The following PMEPA1 variants were observed in gnomAD, a reference collection of about 807,000 sequenced individuals.
PMEPA1 encodes the protein protein TMEPAI.
A neutral mutation model predicts 23.0 loss-of-function variants in PMEPA1; 11 were observed. The observed-to-expected ratio is 0.48, with a 90% confidence interval of 0.30 to 0.79. PMEPA1 has a LOEUF of 0.79. Ranked by LOEUF, PMEPA1 falls within the 30% of genes least tolerant of loss-of-function variation. The probability of loss-of-function intolerance (pLI) is 0.06; values close to 1 mark genes in which losing one functional copy is unlikely to be tolerated. For missense variants in PMEPA1, 377 were observed against 390.9 expected, an observed-to-expected ratio of 0.96 and a Z score of 0.30; for synonymous variants, 204 against 166.4, an observed-to-expected ratio of 1.23 and a Z score of -1.74.
intron 1 of PMEPA1, among the ~76,000 whole-genome samples, chr20:57,703,877 C>A (rs1447349359): frequency 2.0e-5 from 3 of 152,212 alleles, no homozygotes; most frequent in Admixed American, 6.5e-5. Flanking sequence ...CTAGGCCACA[C>A]ACAGCCAGAA....
At position 57,709,883 on chromosome 20, in the gene PMEPA1, G is replaced by A. The variant is rs2072147285; in HGVS notation, c.-301C>T. 2 of 1,003,360 alleles carry A rather than the reference G, an allele frequency of 2.0e-6. No individual in the cohort carries two copies. Among genetic ancestry groups the A allele is most frequent in the Non-Finnish European group, 2.4e-6 (2 of 844,876 alleles). 62.2% of individuals were successfully genotyped at this position (1,003,360 alleles called of 1,614,324 possible). On this transcript the variant is annotated 5_prime_UTR_variant, in exon 1 of 4. Coordinates refer to ENST00000341744, the MANE Select transcript of PMEPA1 (RefSeq NM_020182.5). ...GGGCGCGCGCTGCCGCCGGGGCTGA[G>A]CCTCTGCCGCTAGCTTTCCCCAGCC...
intron 1 of PMEPA1, among the ~76,000 whole-genome samples, chr20:57,679,112 C>T (rs2071677082): frequency 6.6e-6 from 1 of 152,136 alleles, no homozygotes; most frequent in East Asian, 1.9e-4. Context: ...ATAATGAGCA[C>T]CTAGGAGCGG....
At position 57,709,598 on chromosome 20, in the gene PMEPA1, G is replaced by A. The variant is rs759182849; in HGVS notation, c.-16C>T. ...AGCGGTGCATGGACGGCGCGGCGGC[G>A]CGGCGCGGGGCGCGGGGGGCTCGGG... is the stretch of plus-strand genomic sequence containing the variant. On this transcript the variant is annotated 5_prime_UTR_variant, in exon 1 of 4. Transcript: ENST00000341744. 1.2e-4 allele frequency: 122 copies of A among 995,156 alleles called. No homozygotes were observed. Among genetic ancestry groups the A allele is most frequent in the Non-Finnish European group, 1.4e-4 (118 of 828,242 alleles). The allele number at this position is 995,156 out of a possible 1,614,324, so 61.6% of individuals were successfully genotyped here. A position where few individuals can be genotyped will look rare whatever the true frequency, so the allele number is the denominator to read the frequency against.
At chr20:57,693,567 G>A (rs2071909957) in intron 1 of PMEPA1, among the ~76,000 whole-genome samples, 1 of 152,232 alleles carries the variant, frequency 6.6e-6, no homozygotes, top group Non-Finnish European at 1.5e-5. Context: ...GGACACACCT[G>A]AGCCCTTTTC....
Position 57,652,692 on chromosome 20 carries a change from T to C in PMEPA1, c.319-94A>G. The C allele has an allele frequency of 8.9e-7, 1 of 1,120,704 alleles. No homozygotes were observed. Among genetic ancestry groups the C allele is most frequent in the Non-Finnish European group, 1.2e-6 (1 of 812,346 alleles). The allele number at this position is 1,120,704 out of a possible 1,614,324, so 69.4% of individuals were successfully genotyped here. A position where few individuals can be genotyped will look rare whatever the true frequency, so the allele number is the denominator to read the frequency against. On this transcript the variant is annotated intron_variant, in intron 3 of 3. Transcript: ENST00000341744. The surrounding 1 kb of genome is among the most constrained non-coding windows in gnomAD (Gnocchi z 6.1). ...GACTGGAGTTCTGCTGCATGGGACT[T>C]GGCTCTCTGGGGAAAGGGAGAGGGC... is the stretch of plus-strand genomic sequence containing the variant.
At chr20:57,688,853 C>T (rs753696621) in intron 1 of PMEPA1, among the ~76,000 whole-genome samples, 17 of 152,196 alleles carry the variant, frequency 1.1e-4, no homozygotes, top group Admixed American at 3.3e-4. Context: ...GGGGATGTTC[C>T]CGCCTGTCCT....
Position 57,655,468 on chromosome 20 carries a change from G to A in PMEPA1, c.265-2382C>T, listed in dbSNP as rs1432222872. Among the ~76,000 whole-genome samples the A allele has an allele frequency of 1.3e-5, 2 of 152,240 alleles. No homozygotes were observed. The highest frequency in any genetic ancestry group is 2.9e-5 in the Non-Finnish European group (2 of 68,050). Reference sequence around the variant, plus strand: ...CCGGCGTGCTATGCAGTCAGGGAGTGCTCAGGTTGCTACTTAAGTGCGGAA... The same window carrying A: ...CCGGCGTGCTATGCAGTCAGGGAGTACTCAGGTTGCTACTTAAGTGCGGAA... On this transcript the variant is annotated intron_variant, in intron 2 of 3. Coordinates refer to ENST00000341744, the MANE Select transcript of PMEPA1 (RefSeq NM_020182.5). This position sits in a 1 kb window ranked among gnomAD's most constrained non-coding sequence, Gnocchi z 4.2.
chr20:57,678,893 C>T (rs532362050), intron 1 of PMEPA1, among the ~76,000 whole-genome samples: 2 of 152,278 alleles, frequency 1.3e-5, no homozygotes, highest in South Asian at 4.1e-4. Flanking sequence ...AAAAGGATGT[C>T]CCAAACTACC....
chr20:57,668,623 C>T (rs2071526046), intron 1 of PMEPA1, among the ~76,000 whole-genome samples: 1 of 152,162 alleles, frequency 6.6e-6, no homozygotes, highest in Non-Finnish European at 1.5e-5. Context: ...GGCTGGAGCA[C>T]CTCTGCAGAG....
At chr20:57,689,305 C>T (rs1052649657) in intron 1 of PMEPA1, among the ~76,000 whole-genome samples, 7 of 152,216 alleles carry the variant, frequency 4.6e-5, no homozygotes, top group African/African-American at 9.6e-5. Context: ...CAACTCCTGA[C>T]CCTTCGGAAC....
chr20:57,661,924 ACCC>A (rs2071424533), intron 1 of PMEPA1, among the ~76,000 whole-genome samples: 6 of 94,120 alleles, frequency 6.4e-5, no homozygotes, highest in African/African-American at 2.8e-4. Flanking sequence ...CATCTGTGCC[ACCC>A]TCAGCGCGCC....
chr20:57,679,720 G>A (rs1034621302), intron 1 of PMEPA1, among the ~76,000 whole-genome samples: 2 of 152,210 alleles, frequency 1.3e-5, no homozygotes, highest in African/African-American at 4.8e-5. Context: ...GCTGGAAGGG[G>A]GTGGTCACCT....
At chr20:57,667,006 T>C (rs900313971) in intron 1 of PMEPA1, among the ~76,000 whole-genome samples, 12 of 152,138 alleles carry the variant, frequency 7.9e-5, no homozygotes, top group African/African-American at 2.9e-4. Context: ...AGAAATATAA[T>C]TGCATTAAAT....
chr20:57,679,086 C>T (rs545813940), intron 1 of PMEPA1, among the ~76,000 whole-genome samples: 5 of 152,206 alleles, frequency 3.3e-5, no homozygotes, highest in Admixed American at 2.6e-4. Context: ...TGGAACAGAA[C>T]TAGAGCAGGT....
intron 1 of PMEPA1, among the ~76,000 whole-genome samples, chr20:57,662,881 C>A (rs748850171): frequency 6.6e-6 from 1 of 152,216 alleles, no homozygotes; most frequent in African/African-American, 2.4e-5. Flanking sequence ...AGGACCCAGA[C>A]AGCAGTGAGA....
chr20:57,706,354 C>A (rs1032413958), intron 1 of PMEPA1, among the ~76,000 whole-genome samples: 1 of 152,208 alleles, frequency 6.6e-6, no homozygotes, highest in African/African-American at 2.4e-5. Context: ...CCAGGAAAAC[C>A]AGGTGCCAGG....
intron 1 of PMEPA1, among the ~76,000 whole-genome samples, chr20:57,667,590 A>G (rs1256461253): frequency 6.6e-6 from 1 of 152,120 alleles, no homozygotes; most frequent in Non-Finnish European, 1.5e-5. Context: ...GGGGAGGGGC[A>G]GCTGGCGTCC....
At position 57,683,559 on chromosome 20, in the gene PMEPA1, G is replaced by A. The variant is rs2071753534; in HGVS notation, c.110-23862C>T. Among the ~76,000 whole-genome samples the A allele has an allele frequency of 2.8e-5, 2 of 72,632 alleles. No individual in the cohort carries two copies. Among genetic ancestry groups the A allele is most frequent in the African/African-American group, 7.0e-5 (2 of 28,560 alleles). 47.6% of individuals were successfully genotyped at this position (72,632 alleles called of 152,430 possible). On this transcript the variant is annotated intron_variant, in intron 1 of 3. Transcript: ENST00000341744. This position sits in a 1 kb window ranked among gnomAD's most constrained non-coding sequence, Gnocchi z 4.3. ...GTGGTGTTCTGGCCTGTGTGCGTGT[G>A]TGTGTGTGTGTGTGTGTGTGTGTGT...
Position 57,655,263 on chromosome 20 carries a change from C to CCT in PMEPA1, c.265-2179_265-2178dup, listed in dbSNP as rs1456952081. 2.6e-5 allele frequency among the ~76,000 whole-genome samples: 4 copies of CCT among 152,154 alleles called. No homozygotes were observed. The highest frequency in any genetic ancestry group is 2.4e-5 in the African/African-American group (1 of 41,428). ...GAAGAACTTTGACTGGCCCCTCAAG[C>CCT]CTCTGCCCAGGTGTGCTAACCCCAG... On this transcript the variant is annotated intron_variant, in intron 2 of 3. Transcript: ENST00000341744. This position sits in a 1 kb window ranked among gnomAD's most constrained non-coding sequence, Gnocchi z 4.2.
Sources: gnomAD v4.1 joint callset for allele counts (sites outside exome capture counted in the v4.1 genomes callset) on GRCh38, gnomAD v4.1.1 for gene constraint, Gnocchi (gnomAD v3.1) non-coding constraint, MANE v1.5 for transcripts, NCBI Gene and HGNC (gene_info 2026-07-23, HGNC 2026-07-21) for gene names.